DLG1: variants seen among roughly 807,000 people sequenced by gnomAD.
DLG1 encodes disks large homolog 1.
A neutral mutation model predicts 123.4 loss-of-function variants in DLG1; 42 were observed. The ratio of observed to expected loss-of-function variants is 0.34; its 90% CI spans 0.27 to 0.44. The LOEUF (loss-of-function observed/expected upper bound fraction) is 0.44. DLG1 is among the 20% of genes least tolerant of loss of function. The pLI is 1.00. For synonymous variants in DLG1, 317 were observed against 356.2 expected (o/e 0.89, Z 1.24); for missense variants, 942 against 1,082.6 (o/e 0.87, Z 1.82).
chr3:197,236,275 T>G (rs1347149809), intron 4 of DLG1, among the ~76,000 whole-genome samples: 1 of 152,020 alleles, frequency 6.6e-6, no homozygotes, highest in Non-Finnish European at 1.5e-5. Context: ...ATGGCACCAC[T>G]GCACTCCATC....
intron 18 of DLG1, 89 bp from the exon 19 acceptor site, chr3:197,069,349 T>C: frequency 1.3e-6 from 1 of 774,032 alleles, no homozygotes; most frequent in Non-Finnish European, 2.0e-6. Flanking sequence ...ATATAAGCCA[T>C]ATATAACAAA....
At chr3:197,195,049 C>G (rs1721694387) in intron 4 of DLG1, among the ~76,000 whole-genome samples, 1 of 151,932 alleles carries the variant, frequency 6.6e-6, no homozygotes, top group Admixed American at 6.6e-5. Context: ...CTCTCTCTCT[C>G]TCTCTCACAC....
intron 7 of DLG1, among the ~76,000 whole-genome samples, chr3:197,141,315 A>C (rs13065483): frequency 0.44 from 66,364 of 152,060 alleles, 15,158 homozygotes; most frequent in East Asian, 0.73. Flanking sequence ...GAAAAATACA[A>C]TGTATAGTCC....
chr3:197,203,682 C>T (rs1198217276), intron 4 of DLG1, among the ~76,000 whole-genome samples: 1 of 152,170 alleles, frequency 6.6e-6, no homozygotes, highest in East Asian at 1.9e-4. Flanking sequence ...TCTCCAAAAT[C>T]CTCACTTTCA....
At chr3:197,108,328 T>C (rs1017709864) in intron 13 of DLG1, among the ~76,000 whole-genome samples, 28 of 152,248 alleles carry the variant, frequency 1.8e-4, no homozygotes, top group Admixed American at 6.5e-5. Context: ...CTGGAAAGCA[T>C]TCCTCATGCT....
chr3:197,185,873 C>T (rs553545185), intron 5 of DLG1, among the ~76,000 whole-genome samples: 1 of 152,248 alleles, frequency 6.6e-6, no homozygotes, highest in East Asian at 1.9e-4. Context: ...TAGTGAGCAT[C>T]TATTTATCCT....
intron 5 of DLG1, among the ~76,000 whole-genome samples, chr3:197,179,598 T>C (rs1292318035): frequency 6.6e-6 from 1 of 152,184 alleles, no homozygotes; most frequent in Non-Finnish European, 1.5e-5. Flanking sequence ...TAGAGTTAAA[T>C]GATATAAAAA....
chr3:197,172,941 G>C (rs570879006), intron 5 of DLG1, among the ~76,000 whole-genome samples: 27 of 152,156 alleles, frequency 1.8e-4, no homozygotes, highest in African/African-American at 6.3e-4. Context: ...TCTTACTGAG[G>C]GCTCATATTT....
At chr3:197,088,476 G>A (rs952139572) in intron 15 of DLG1, among the ~76,000 whole-genome samples, 3 of 152,152 alleles carry the variant, frequency 2.0e-5, no homozygotes, top group South Asian at 4.1e-4. Context: ...GCCTCAAAGG[G>A]TGCCTCCCAC....
intron 6 of DLG1, among the ~76,000 whole-genome samples, chr3:197,149,230 C>T (rs532931122): frequency 6.6e-6 from 1 of 152,150 alleles, no homozygotes; most frequent in African/African-American, 2.4e-5. Flanking sequence ...ACACCCACCA[C>T]CTGGCAACTG....
chr3:197,280,337 T>TTGTGTGTGTGTGTG (rs10575004), intron 4 of DLG1, among the ~76,000 whole-genome samples: 5 of 150,026 alleles, frequency 3.3e-5, no homozygotes, highest in East Asian at 2.0e-4. Context: ...GTAGTCCATT[T>TTGTGTGTGTGTGTG]TGTGTGTGTG....
At chr3:197,075,748 G>A in intron 18 of DLG1, 1 of 1,143,866 alleles carries the variant, frequency 8.7e-7, no homozygotes, top group Non-Finnish European at 1.3e-6. Flanking sequence ...TGCCAGAAAG[G>A]CACTACCATG....
chr3:197,244,411 C>T (rs1262175346), intron 4 of DLG1, among the ~76,000 whole-genome samples: 1 of 152,154 alleles, frequency 6.6e-6, no homozygotes, highest in African/African-American at 2.4e-5. Flanking sequence ...GTTTAGAGTG[C>T]AGACAGAATA....
intron 4 of DLG1, among the ~76,000 whole-genome samples, chr3:197,202,585 A>G (rs529765272): frequency 3.3e-5 from 5 of 152,206 alleles, no homozygotes; most frequent in African/African-American, 4.8e-5. Flanking sequence ...ATACAAATAA[A>G]CTTTTAAAGC....
intron 4 of DLG1, among the ~76,000 whole-genome samples, chr3:197,250,576 AAAAAAG>A (rs1022329278): frequency 2.0e-5 from 3 of 151,928 alleles, no homozygotes; most frequent in South Asian, 2.1e-4. Context: ...CTCAAAAAAA[AAAAAAG>A]AAAAAGAAAA....
At chr3:197,099,918 C>T (rs1762551066) in intron 14 of DLG1, among the ~76,000 whole-genome samples, 1 of 152,126 alleles carries the variant, frequency 6.6e-6, no homozygotes, top group Admixed American at 6.5e-5. Flanking sequence ...GTTCCAGAAC[C>T]CCACGTATAC....
chr3:197,289,720 A>G (rs1262288441), intron 3 of DLG1, among the ~76,000 whole-genome samples: 1 of 152,232 alleles, frequency 6.6e-6, no homozygotes, highest in Non-Finnish European at 1.5e-5. Flanking sequence ...CTACTCAAGC[A>G]CAAATACTCT....
At chr3:197,206,738 T>C (rs1352424779) in intron 4 of DLG1, among the ~76,000 whole-genome samples, 6 of 151,540 alleles carry the variant, frequency 4.0e-5, no homozygotes, top group African/African-American at 1.2e-4. Context: ...AACTATGAGA[T>C]AAAAAAATTA....
At chr3:197,152,327 C>T (rs961416284) in intron 5 of DLG1, among the ~76,000 whole-genome samples, 6 of 151,776 alleles carry the variant, frequency 4.0e-5, no homozygotes, top group African/African-American at 1.5e-4. Context: ...AATAATTTCA[C>T]GTAGACTCTT....
Sources: allele counts gnomAD v4.1 joint callset (sites outside exome capture counted in the v4.1 genomes callset), GRCh38; gene constraint gnomAD v4.1.1; transcripts MANE v1.5; gene names NCBI Gene and HGNC (gene_info 2026-07-23, HGNC 2026-07-21).